LRRC4C: variants seen among roughly 807,000 people sequenced by gnomAD.
LRRC4C encodes leucine rich repeat containing 4C, also known as leucine-rich repeat-containing protein 4C.
LRRC4C carries 5 observed loss-of-function variants against 33.6 expected under a neutral mutation model. That is an observed-to-expected ratio of 0.15 (90% CI 0.08 to 0.31). The LOEUF (loss-of-function observed/expected upper bound fraction) is 0.31. Among genes scored for constraint, LRRC4C ranks in the 10% least tolerant of loss-of-function variants. The probability of loss-of-function intolerance (pLI) is 1.00; values close to 1 mark genes in which losing one functional copy is unlikely to be tolerated. For missense variants in LRRC4C, 560 were observed against 796.7 expected, an observed-to-expected ratio of 0.70 and a Z score of 3.58; for synonymous variants, 329 against 302.0, an observed-to-expected ratio of 1.09 and a Z score of -0.93.
Position 40,229,435 on chromosome 11 carries a change from G to A in LRRC4C, c.-96+12084C>T, listed in dbSNP as rs146690101. ...TTACAGGTGCATACCACCAGGTCTGGCTAATTTTTGTATTTTTAGTAGAAA... is the reference window on the plus strand; with the variant it reads ...TTACAGGTGCATACCACCAGGTCTGACTAATTTTTGTATTTTTAGTAGAAA... On this transcript the variant is annotated intron_variant, in intron 5 of 6. Transcript: ENST00000528697. Among the ~76,000 whole-genome samples, 52 of 152,102 alleles carry A rather than the reference G, an allele frequency of 3.4e-4. No homozygotes were observed. In the East Asian group the frequency reaches 9.7e-3, roughly 28 times the overall value.
chr11:41,346,040 T>C (rs1951793899), intron 1 of LRRC4C, among the ~76,000 whole-genome samples: 1 of 152,164 alleles, frequency 6.6e-6, no homozygotes, highest in Non-Finnish European at 1.5e-5. Context: ...AGGAGGATTC[T>C]GGGTGTTTCT....
intron 3 of LRRC4C, among the ~76,000 whole-genome samples, chr11:40,384,215 C>T (rs1949014562): frequency 6.6e-6 from 1 of 151,708 alleles, no homozygotes; most frequent in South Asian, 2.1e-4. Flanking sequence ...CTAAGAGTAT[C>T]TTTGCTTTAT....
chr11:40,116,881 A>G (rs1367132897), intron 6 of LRRC4C, among the ~76,000 whole-genome samples: 3 of 152,218 alleles, frequency 2.0e-5, no homozygotes, highest in Non-Finnish European at 4.4e-5. Flanking sequence ...GCCTTATAAA[A>G]AAAGTGTTAA....
At chr11:41,234,122 G>A (rs1947920642) in intron 1 of LRRC4C, among the ~76,000 whole-genome samples, 2 of 151,906 alleles carry the variant, frequency 1.3e-5, no homozygotes, top group Admixed American at 1.3e-4. Context: ...ATACCTCTTT[G>A]TCTCATACCT....
intron 1 of LRRC4C, among the ~76,000 whole-genome samples, chr11:41,218,167 T>G (rs1197820925): frequency 6.6e-6 from 1 of 152,162 alleles, no homozygotes; most frequent in African/African-American, 2.4e-5. Flanking sequence ...TTAGTCACCT[T>G]TGTTACTTCA....
chr11:40,650,393 T>C (rs1942722299), intron 2 of LRRC4C, among the ~76,000 whole-genome samples: 1 of 152,198 alleles, frequency 6.6e-6, no homozygotes, highest in African/African-American at 2.4e-5. Context: ...CCCAGCATGA[T>C]AACTGTCTTT....
At chr11:40,160,025 A>T (rs1859023865) in intron 5 of LRRC4C, among the ~76,000 whole-genome samples, 1 of 152,224 alleles carries the variant, frequency 6.6e-6, no homozygotes, top group African/African-American at 2.4e-5. Context: ...GAATAACAGA[A>T]TGTTGAAATG....
At chr11:41,270,879 C>T (rs1302431219) in intron 1 of LRRC4C, among the ~76,000 whole-genome samples, 1 of 152,024 alleles carries the variant, frequency 6.6e-6, no homozygotes, top group Non-Finnish European at 1.5e-5. Flanking sequence ...TAGGTATTTG[C>T]TCCATGTCTC....
At chr11:41,277,949 G>A (rs772955445) in intron 1 of LRRC4C, among the ~76,000 whole-genome samples, 29 of 151,854 alleles carry the variant, frequency 1.9e-4, no homozygotes, top group Non-Finnish European at 2.8e-4. Context: ...GACAAATAAC[G>A]CGTGATCCCA....
chr11:41,250,868 G>A (rs1326574788), intron 1 of LRRC4C, among the ~76,000 whole-genome samples: 1 of 152,080 alleles, frequency 6.6e-6, no homozygotes, highest in Non-Finnish European at 1.5e-5. Context: ...TACTAACTTT[G>A]TTAAACAAAA....
intron 2 of LRRC4C, among the ~76,000 whole-genome samples, chr11:40,916,140 G>T (rs1361717728): frequency 1.3e-5 from 2 of 152,160 alleles, no homozygotes; most frequent in African/African-American, 4.8e-5. Flanking sequence ...TCAGTGTAGC[G>T]ATTCCTCAGG....
At chr11:41,110,667 A>G (rs548826237) in intron 1 of LRRC4C, among the ~76,000 whole-genome samples, 4 of 152,026 alleles carry the variant, frequency 2.6e-5, no homozygotes, top group East Asian at 1.9e-4. Flanking sequence ...TTATTAACCA[A>G]TTTCAAAGAT....
intron 6 of LRRC4C, among the ~76,000 whole-genome samples, chr11:40,136,229 A>G (rs1009208874): frequency 2.0e-5 from 3 of 152,096 alleles, no homozygotes; most frequent in Admixed American, 6.5e-5. Context: ...TCCTAAAAAA[A>G]AAAAAGGCTA....
chr11:40,682,755 A>AATAAATAAATAAATAAATAT (rs1944756074), intron 2 of LRRC4C, among the ~76,000 whole-genome samples: 4 of 129,090 alleles, frequency 3.1e-5, no homozygotes, highest in African/African-American at 1.9e-4. Context: ...TCAATAAATA[A>AATAAATAAATAAATAAATAT]ATAAATAAAT....
chr11:40,939,410 T>C lies in LRRC4C; in HGVS notation c.-495-5687A>G, dbSNP rs1179959695. On this transcript the variant is annotated intron_variant, in intron 1 of 6. Coordinates refer to ENST00000528697, the MANE Select transcript of LRRC4C (RefSeq NM_001258419.2). ...CATCAATCCTAGCACATATACAAGT[T>C]GGTAATTAATTCTTAAATACTCATT... Among the ~76,000 whole-genome samples, 3 of 152,156 alleles carry C rather than the reference T, an allele frequency of 2.0e-5. No individual in the cohort carries two copies. In the East Asian group the frequency reaches 5.8e-4, roughly 29 times the overall value.
At chr11:41,272,199 GTT>G (rs1949343726) in intron 1 of LRRC4C, among the ~76,000 whole-genome samples, 1 of 152,138 alleles carries the variant, frequency 6.6e-6, no homozygotes, top group Non-Finnish European at 1.5e-5. Context: ...TGGAATAATA[GTT>G]TACATTGTCT....
chr11:40,412,995 C>T (rs1950205015), intron 3 of LRRC4C, among the ~76,000 whole-genome samples: 1 of 151,992 alleles, frequency 6.6e-6, no homozygotes. Flanking sequence ...TAGTGCCAAT[C>T]CATTTTTGCA....
At chr11:40,265,585 C>T (rs929527401) in intron 4 of LRRC4C, among the ~76,000 whole-genome samples, 2 of 152,194 alleles carry the variant, frequency 1.3e-5, no homozygotes, top group African/African-American at 4.8e-5. Flanking sequence ...AGGATAGACA[C>T]AGCAGGACTT....
intron 3 of LRRC4C, among the ~76,000 whole-genome samples, chr11:40,365,759 T>A (rs1014632185): frequency 1.3e-5 from 2 of 152,078 alleles, no homozygotes; most frequent in Non-Finnish European, 2.9e-5. Context: ...AACTTCATTG[T>A]CACTTTGATT....
Sources: gnomAD v4.1 joint callset for allele counts (sites outside exome capture counted in the v4.1 genomes callset) on GRCh38, gnomAD v4.1.1 for gene constraint, MANE v1.5 for transcripts, NCBI Gene and HGNC (gene_info 2026-07-23, HGNC 2026-07-21) for gene names.